The following RYR3 variants were observed in gnomAD, a reference collection of about 807,000 sequenced individuals.
RYR3 encodes ryanodine receptor 3, also known as brain ryanodine receptor-calcium release channel.
In RYR3, 207 loss-of-function variants were observed where a neutral mutation model predicts 584.3. The observed-to-expected ratio is 0.35, with a 90% CI of 0.32 to 0.40. The LOEUF (loss-of-function observed/expected upper bound fraction) is 0.40, where lower values mean the gene tolerates loss of function less well. Ranked by LOEUF, RYR3 falls within the 10% of genes least tolerant of loss-of-function variation. The pLI is 1.00. For synonymous variants in RYR3, 2,416 were observed against 2,248.5 expected, an observed-to-expected ratio of 1.07 and a Z score of -2.11; for missense variants, 5,616 against 6,089.2, an observed-to-expected ratio of 0.92 and a Z score of 2.59.
At position 33,813,559 on chromosome 15, in the gene RYR3, C is replaced by A. The variant is rs1416079978; in HGVS notation, c.10482C>A (p.Ala3494=). The change falls in exon 74 of 104, where the codon GCC becomes GCA. Residue 3494 remains alanine, a synonymous_variant. Transcript: ENST00000634891. ...KRAVVACFRM[A]PLYNLPRHRS... ...CAGTGGTGGCCTGTTTCAGGATGGC[C>A]CCTCTCTACAACCTGCCCAGGCAAG... 1.2e-6 allele frequency: 2 copies of A among 1,613,850 alleles called. No homozygotes were observed. The highest frequency in any genetic ancestry group is 8.5e-7 in the Non-Finnish European group (1 of 1,179,792).
intron 83 of RYR3, 68 bp downstream of exon 83, chr15:33,826,337 C>A: frequency 6.7e-7 from 1 of 1,498,426 alleles, no homozygotes; most frequent in Non-Finnish European, 9.3e-7. Context: ...TTAATTGCCT[C>A]AGCACAGAAA....
At chr15:33,510,083 C>T (rs1346864235) in intron 3 of RYR3, among the ~76,000 whole-genome samples, 1 of 152,202 alleles carries the variant, frequency 6.6e-6, no homozygotes, top group Admixed American at 6.5e-5. Flanking sequence ...AAATTGCTCT[C>T]ATGTGCAAAA....
intron 18 of RYR3, among the ~76,000 whole-genome samples, chr15:33,605,078 A>C (rs891592113): frequency 6.6e-6 from 1 of 152,218 alleles, no homozygotes; most frequent in South Asian, 2.1e-4. Flanking sequence ...AAGCATACCT[A>C]GACCCTGGGG....
intron 1 of RYR3, among the ~76,000 whole-genome samples, chr15:33,380,971 A>T (rs1483290476): frequency 6.6e-6 from 1 of 152,192 alleles, no homozygotes; most frequent in African/African-American, 2.4e-5. Context: ...TGGTCTTAGG[A>T]TGTATGTCCA....
At position 33,636,272 on chromosome 15, in the gene RYR3, T is replaced by A. The variant is rs1206901762; in HGVS notation, c.3382-104T>A. On this transcript the variant is annotated intron_variant, in intron 26 of 103. Transcript: ENST00000634891. ...ATCCTTGAGTGTCCCCTAGAAATCA[T>A]GTAACCACTACTAGTTAGGAGATAT... 8 of 982,264 alleles carry A rather than the reference T, an allele frequency of 8.1e-6. No homozygotes were observed. The Admixed American group carries it at 1.7e-4, about 21-fold the overall frequency. 60.8% of individuals were successfully genotyped at this position (982,264 alleles called of 1,614,324 possible).
chr15:33,710,937 G>A (rs946717926), intron 43 of RYR3, among the ~76,000 whole-genome samples: 2 of 152,196 alleles, frequency 1.3e-5, no homozygotes, highest in African/African-American at 2.4e-5. Flanking sequence ...GCCTATGATG[G>A]GAGGGGCTGC....
At chr15:33,400,008 A>G (rs2042546685) in intron 1 of RYR3, among the ~76,000 whole-genome samples, 1 of 152,116 alleles carries the variant, frequency 6.6e-6, no homozygotes, top group African/African-American at 2.4e-5. Context: ...GAAATCACCA[A>G]GCCCTTCTCA....
chr15:33,336,440 A>AAGAGAGAGAGAGAGAGAGAGAGAG (rs1204873404), intron 1 of RYR3, among the ~76,000 whole-genome samples: 1 of 12,150 alleles, frequency 8.2e-5, no homozygotes, highest in Non-Finnish European at 1.2e-4. Context: ...GAAAGAAAGA[A>AAGAGAGAGAGAGAGAGAGAGAGAG]AGAGAGAGAG....
Position 33,601,563 on chromosome 15 carries a change from C to T in RYR3, c.1922+11C>T. 6.2e-7 allele frequency: 1 copy of T among 1,613,548 alleles called. No homozygotes were observed. The highest frequency in any genetic ancestry group is 1.3e-5 in the African/African-American group (1 of 75,036). On this transcript the variant is annotated intron_variant, in intron 17 of 103. Transcript: ENST00000634891. ...TAACGATGTAACCAGGTAAGGCCAC[C>T]ACCACCATTCCAAATGCCAAGCATA... is the stretch of plus-strand genomic sequence containing the variant.
At chr15:33,564,412 G>A (rs139293757) in intron 11 of RYR3, among the ~76,000 whole-genome samples, 1 of 152,182 alleles carries the variant, frequency 6.6e-6, no homozygotes, top group East Asian at 1.9e-4. Flanking sequence ...AGTTGGAATT[G>A]CCCTGGAAAA....
intron 1 of RYR3, among the ~76,000 whole-genome samples, chr15:33,365,023 G>A (rs186289627): frequency 1.5e-3 from 230 of 152,326 alleles, no homozygotes; most frequent in Non-Finnish European, 2.0e-3. Flanking sequence ...GATGGACAGA[G>A]GGACATGTAA....
At position 33,479,527 on chromosome 15, in the gene RYR3, A is replaced by G. The variant is rs184932250; in HGVS notation, c.171+5989A>G. Among the ~76,000 whole-genome samples, 12 of 146,932 alleles carry G rather than the reference A, an allele frequency of 8.2e-5. No individual in the cohort carries two copies. The East Asian group carries it at 1.2e-3, about 14-fold the overall frequency. ...TAACATTTATCAGGCATCATGCGCT[A>G]TGTCCCAAGTAATGCCGTGGGTGCC... is the stretch of plus-strand genomic sequence containing the variant. On this transcript the variant is annotated intron_variant, in intron 2 of 103. Coordinates refer to ENST00000634891, the MANE Select transcript of RYR3 (RefSeq NM_001036.6).
chr15:33,341,993 T>C (rs1595780643), intron 1 of RYR3, among the ~76,000 whole-genome samples: 1 of 152,038 alleles, frequency 6.6e-6, no homozygotes, highest in African/African-American at 2.4e-5. Flanking sequence ...GAATTTAGGG[T>C]TAGTGATTCA....
At chr15:33,349,943 C>T (rs1040319160) in intron 1 of RYR3, among the ~76,000 whole-genome samples, 4 of 151,896 alleles carry the variant, frequency 2.6e-5, no homozygotes, top group African/African-American at 9.7e-5. Context: ...TTTATGGCTG[C>T]ATAGTATTCC....
intron 40 of RYR3, among the ~76,000 whole-genome samples, chr15:33,698,581 A>C (rs1055351551): frequency 7.9e-5 from 12 of 151,272 alleles, no homozygotes; most frequent in African/African-American, 2.9e-4. Context: ...TTCCACAGGC[A>C]GTAGATCGGG....
At chr15:33,754,778 A>T (rs2071655097) in intron 57 of RYR3, among the ~76,000 whole-genome samples, 3 of 152,292 alleles carry the variant, frequency 2.0e-5, no homozygotes, top group South Asian at 4.1e-4. Flanking sequence ...TTCTGTTTAC[A>T]GCTAGCATGT....
intron 1 of RYR3, among the ~76,000 whole-genome samples, chr15:33,376,562 G>A (rs1458298749): frequency 6.6e-6 from 1 of 152,234 alleles, no homozygotes; most frequent in Non-Finnish European, 1.5e-5. Flanking sequence ...CCCCCTGGGT[G>A]AGGCAGATCC....
chr15:33,389,786 CTTTTA>C (rs571175347), intron 1 of RYR3, among the ~76,000 whole-genome samples: 21 of 152,094 alleles, frequency 1.4e-4, no homozygotes, highest in Non-Finnish European at 1.0e-4. Flanking sequence ...TCTTTGCAAA[CTTTTA>C]TTTAATATCT....
chr15:33,541,262 G>C (rs1442317270), intron 7 of RYR3, among the ~76,000 whole-genome samples: 1 of 152,110 alleles, frequency 6.6e-6, no homozygotes, highest in Non-Finnish European at 1.5e-5. Flanking sequence ...TATTTGCCAA[G>C]AAGGTGACAT....
Sources: gnomAD v4.1 joint callset for allele counts (sites outside exome capture counted in the v4.1 genomes callset) on GRCh38, gnomAD v4.1.1 for gene constraint, MANE v1.5 for transcripts, NCBI Gene and HGNC (gene_info 2026-07-23, HGNC 2026-07-21) for gene names.